Variants in PCDHA13 observed in about 807,000 individuals in gnomAD.
The protein encoded by PCDHA13 is protocadherin alpha-13.
Under a neutral mutation model 64.8 loss-of-function variants are expected in PCDHA13, and 54 were observed. That is an observed-to-expected ratio of 0.83 (90% CI 0.67 to 1.04). The LOEUF is 1.04. Ranked by LOEUF, PCDHA13 falls within the 50% of genes least tolerant of loss-of-function variation. The pLI is 0.00. For missense variants in PCDHA13, 1,248 were observed against 1,254.3 expected (o/e 0.99, Z 0.08); for synonymous variants, 587 against 564.4 (o/e 1.04, Z -0.57).
At chr5:141,002,503 A>G (rs924059580) in intron 3 of PCDHA13, among the ~76,000 whole-genome samples, 1 of 152,226 alleles carries the variant, frequency 6.6e-6, no homozygotes, top group African/African-American at 2.4e-5. Flanking sequence ...ACAGCTCAGG[A>G]TCTGAGTCTC....
chr5:140,912,746 A>T (rs1322674627), intron 1 of PCDHA13, among the ~76,000 whole-genome samples: 1 of 152,200 alleles, frequency 6.6e-6, no homozygotes, highest in Non-Finnish European at 1.5e-5. Flanking sequence ...TGGGTCTGTC[A>T]TAGATGGCTT....
chr5:140,948,385 T>A (rs909867343), intron 1 of PCDHA13, among the ~76,000 whole-genome samples: 4 of 151,622 alleles, frequency 2.6e-5, no homozygotes, highest in Admixed American at 2.6e-4. Flanking sequence ...TTCCTCTATT[T>A]TCTGAAAGGT....
At chr5:140,967,942 A>G in intron 1 of PCDHA13, 1 of 1,614,226 alleles carries the variant, frequency 6.2e-7, no homozygotes, top group Non-Finnish European at 8.5e-7. Context: ...TCAATGACCA[A>G]GACTCAGGCC....
intron 1 of PCDHA13, among the ~76,000 whole-genome samples, chr5:140,917,537 A>G (rs1433498846): frequency 2.0e-5 from 3 of 152,222 alleles, no homozygotes; most frequent in Middle Eastern, 3.2e-3. Flanking sequence ...GTATAGTTTT[A>G]GGTTTTACAT....
chr5:140,971,778 G>T (rs1346530602), intron 1 of PCDHA13, among the ~76,000 whole-genome samples: 1 of 151,860 alleles, frequency 6.6e-6, no homozygotes, highest in Admixed American at 6.6e-5. Flanking sequence ...TATTATTCAA[G>T]ATTATTCAAT....
At chr5:140,903,545 C>T (rs1562939927) in intron 1 of PCDHA13, among the ~76,000 whole-genome samples, 3 of 152,130 alleles carry the variant, frequency 2.0e-5, no homozygotes, top group Non-Finnish European at 4.4e-5. Context: ...GAGCAAGAAA[C>T]TTTTCTAATA....
chr5:140,947,763 AAT>A (rs1396909113), intron 1 of PCDHA13, among the ~76,000 whole-genome samples: 1 of 151,658 alleles, frequency 6.6e-6, no homozygotes, highest in Non-Finnish European at 1.5e-5. Flanking sequence ...TGGTTTAAAA[AAT>A]TCTATTGTAA....
In PCDHA13 at chr5:141,000,611, A is replaced by T. The variant is rs185617081; in HGVS notation, c.2543-9016A>T. Among the ~76,000 whole-genome samples the T allele has an allele frequency of 4.7e-3, 713 of 150,994 alleles. 3 individuals carry two copies. Among genetic ancestry groups the T allele is most frequent in the Non-Finnish European group, 7.5e-3 (505 of 67,758 alleles). ...CCCAGCTAATTTTTGTATTTTTAGT[A>T]GAGACAGGGTTTCACCATGTTGGGC... On this transcript the variant is annotated intron_variant, in intron 3 of 3. Transcript: ENST00000289272.
intron 3 of PCDHA13, among the ~76,000 whole-genome samples, chr5:140,989,670 C>T (rs907417768): frequency 6.6e-6 from 1 of 152,104 alleles, no homozygotes; most frequent in African/African-American, 2.4e-5. Flanking sequence ...GAAACTCTGC[C>T]CAGATTTCAA....
In PCDHA13 at chr5:141,010,551, C is replaced by T. The variant is rs2098417607; in HGVS notation, c.*614C>T. ...AGCCACCCTCTAGGAGACAAAACTA[C>T]CCCCACTGACAAGGCTTTAGGAGAC... On this transcript the variant is annotated 3_prime_UTR_variant, in exon 4 of 4. Coordinates refer to ENST00000289272, the MANE Select transcript of PCDHA13 (RefSeq NM_018904.3). The T allele has an allele frequency of 9.3e-6, 3 of 323,786 alleles. No homozygotes were observed. Among genetic ancestry groups the T allele is most frequent in the African/African-American group, 2.1e-5 (1 of 47,406 alleles). The allele number at this position is 323,786 out of a possible 1,614,324, so 20.1% of individuals were successfully genotyped here.
At chr5:140,975,978 A>T (rs964939685) in intron 1 of PCDHA13, among the ~76,000 whole-genome samples, 1 of 152,142 alleles carries the variant, frequency 6.6e-6, no homozygotes, top group African/African-American at 2.4e-5. Context: ...AAGTAAGCAT[A>T]GTCCTGGGAG....
intron 1 of PCDHA13, among the ~76,000 whole-genome samples, chr5:140,902,102 GA>G (rs782818661): frequency 1.3e-5 from 2 of 151,098 alleles, no homozygotes; most frequent in Non-Finnish European, 2.9e-5. Context: ...GGAGTCTTTA[GA>G]TTTTTTTAAA....
intron 1 of PCDHA13, among the ~76,000 whole-genome samples, chr5:140,905,939 T>A (rs1583575409): frequency 6.6e-6 from 1 of 152,288 alleles, no homozygotes; most frequent in African/African-American, 2.4e-5. Context: ...GCTGAAGAAC[T>A]TGGAATCCGA....
intron 3 of PCDHA13, among the ~76,000 whole-genome samples, chr5:140,990,685 C>T (rs1451672615): frequency 2.6e-5 from 4 of 152,252 alleles, no homozygotes; most frequent in South Asian, 4.1e-4. Context: ...AAGCTGCTTT[C>T]GGAGAGTCCA....
chr5:140,954,184 T>C (rs2094994216), intron 1 of PCDHA13, among the ~76,000 whole-genome samples: 1 of 152,236 alleles, frequency 6.6e-6, no homozygotes, highest in Non-Finnish European at 1.5e-5. Flanking sequence ...CAGTCTATCA[T>C]TGATGGGCAT....
Position 141,009,940 on chromosome 5 carries a change from T to G in PCDHA13, c.*3T>G, listed in dbSNP as rs782531781. ...CGACTGACAACAGTGACCAGTGAGG[T>G]CCTCAAATGGAAACAAGCCACTTAG... On this transcript the variant is annotated 3_prime_UTR_variant, in exon 4 of 4. Transcript: ENST00000289272. 7 of 1,598,042 alleles carry G rather than the reference T, an allele frequency of 4.4e-6. No homozygotes were observed. The highest frequency in any genetic ancestry group is 4.3e-6 in the Non-Finnish European group (5 of 1,174,556).
chr5:140,927,257 C>T, intron 1 of PCDHA13: 1 of 1,614,152 alleles, frequency 6.2e-7, no homozygotes, highest in Non-Finnish European at 8.5e-7. Flanking sequence ...GACAACTCAC[C>T]TCTCTTTCCT....
chr5:140,923,529 A>C lies in PCDHA13; in HGVS notation c.2394+38867A>C, dbSNP rs915297152. Among the ~76,000 whole-genome samples the C allele has an allele frequency of 1.5e-4, 23 of 152,138 alleles. 1 individual carries two copies. The highest frequency in any genetic ancestry group is 1.2e-3 in the Admixed American group (19 of 15,268). On this transcript the variant is annotated intron_variant, in intron 1 of 3. Transcript: ENST00000289272. ...GGATGATGAAGTGAGATTCTGTCCC[A>C]AAAAAAGGACAAAATGAAATATCAG... is the stretch of plus-strand genomic sequence containing the variant.
At chr5:140,958,104 T>C (rs1554223331) in intron 1 of PCDHA13, among the ~76,000 whole-genome samples, 1 of 151,916 alleles carries the variant, frequency 6.6e-6, no homozygotes, top group Admixed American at 6.6e-5. Flanking sequence ...GTGTGTAGAG[T>C]GTGGTTCCAT....
Sources: gnomAD v4.1 joint callset for allele counts (sites outside exome capture counted in the v4.1 genomes callset) on GRCh38, gnomAD v4.1.1 for gene constraint, MANE v1.5 for transcripts, NCBI Gene and HGNC (gene_info 2026-07-23, HGNC 2026-07-21) for gene names.